The following MCPH1 variants were observed in gnomAD, a reference collection of about 807,000 sequenced individuals.
The protein encoded by MCPH1 is microcephalin 1, also known as microcephalin.
In MCPH1, 104 loss-of-function variants were observed where a neutral mutation model predicts 84.5. The observed-to-expected ratio is 1.23, with a 90% CI of 1.05 to 1.45. The LOEUF is 1.45. Among genes scored for constraint, MCPH1 ranks in the 40% most tolerant of loss-of-function variants. The pLI is 0.00. For missense variants in MCPH1, 1,498 were observed against 1,005.7 expected, an observed-to-expected ratio of 1.49 and a Z score of -6.62; for synonymous variants, 514 against 366.8, an observed-to-expected ratio of 1.40 and a Z score of -4.58.
chr8:6,506,447 T>A (rs774416900), intron 12 of MCPH1, among the ~76,000 whole-genome samples: 1 of 152,288 alleles, frequency 6.6e-6, no homozygotes, highest in Non-Finnish European at 1.5e-5. Flanking sequence ...ATATATTGTT[T>A]CCTTGGTTAT....
At chr8:6,584,720 A>G (rs1056814443) in intron 12 of MCPH1, among the ~76,000 whole-genome samples, 6 of 152,242 alleles carry the variant, frequency 3.9e-5, no homozygotes, top group African/African-American at 9.6e-5. Flanking sequence ...GTGACTCTAC[A>G]ATAAAATGGG....
At chr8:6,515,863 TAA>T (rs1816166872) in intron 12 of MCPH1, among the ~76,000 whole-genome samples, 1 of 152,202 alleles carries the variant, frequency 6.6e-6, no homozygotes, top group African/African-American at 2.4e-5. Context: ...GTTAGAATCC[TAA>T]AGAGGAGAGC....
intron 12 of MCPH1, among the ~76,000 whole-genome samples, chr8:6,548,596 A>G (rs2129574681): frequency 6.6e-6 from 1 of 152,340 alleles, no homozygotes; most frequent in Admixed American, 6.5e-5. Flanking sequence ...AGGTACAGAA[A>G]GTACACCTGA....
At chr8:6,474,063 T>C (rs1421132654) in intron 9 of MCPH1, 1 of 798,564 alleles carries the variant, frequency 1.3e-6, no homozygotes, top group Non-Finnish European at 2.3e-6. Flanking sequence ...TACAATATGT[T>C]GGCATCTATT....
At chr8:6,513,662 C>T (rs377411896) in intron 12 of MCPH1, 53 of 1,597,430 alleles carry the variant, frequency 3.3e-5, no homozygotes, top group Non-Finnish European at 4.4e-5. Flanking sequence ...CTTTCAATTA[C>T]CATGAACTCA....
chr8:6,532,533 G>A (rs1363953081), intron 12 of MCPH1: 2 of 1,438,568 alleles, frequency 1.4e-6, no homozygotes, highest in African/African-American at 1.5e-5. Context: ...CAAATGACCG[G>A]AAACCTGATT....
chr8:6,444,276 A>T, intron 7 of MCPH1, 117 bp from the exon 8 acceptor site: 1 of 1,170,774 alleles, frequency 8.5e-7, no homozygotes, highest in South Asian at 1.4e-5. Flanking sequence ...AAGTGTGGTT[A>T]ATAGTCTTCT....
intron 12 of MCPH1, among the ~76,000 whole-genome samples, chr8:6,526,469 A>G (rs961589045): frequency 6.6e-6 from 1 of 152,000 alleles, no homozygotes; most frequent in Non-Finnish European, 1.5e-5. Flanking sequence ...TGAAATTAGC[A>G]GGATTGTTAT....
At chr8:6,505,245 T>C in intron 12 of MCPH1, among the ~76,000 whole-genome samples, 1 of 94,580 alleles carries the variant, frequency 1.1e-5, no homozygotes, top group African/African-American at 4.0e-5. Flanking sequence ...ATAGAATATA[T>C]ATTCTTTATA....
At chr8:6,447,216 G>A (rs1390382888) in intron 8 of MCPH1, 1 of 985,308 alleles carries the variant, frequency 1.0e-6, no homozygotes, top group African/African-American at 1.7e-5. Context: ...TCCACTGTCA[G>A]CCCCCTGGGA....
At chr8:6,510,383 C>T (rs1260746811) in intron 12 of MCPH1, among the ~76,000 whole-genome samples, 5 of 152,158 alleles carry the variant, frequency 3.3e-5, no homozygotes, top group African/African-American at 1.2e-4. Context: ...GTACTTGAAG[C>T]ACCAAGATGA....
intron 12 of MCPH1, among the ~76,000 whole-genome samples, chr8:6,546,859 A>T (rs145366990): frequency 6.6e-6 from 1 of 152,330 alleles, no homozygotes; most frequent in African/African-American, 2.4e-5. Context: ...AGTCAAAAAG[A>T]ACTAATAAAT....
chr8:6,601,371 C>G (rs1353924499), intron 12 of MCPH1, among the ~76,000 whole-genome samples: 2 of 152,118 alleles, frequency 1.3e-5, no homozygotes, highest in Non-Finnish European at 2.9e-5. Context: ...CTGCCCTCCT[C>G]CTCTTCCGTC....
chr8:6,631,544 C>G (rs1385489648), intron 13 of MCPH1, among the ~76,000 whole-genome samples: 1 of 151,576 alleles, frequency 6.6e-6, no homozygotes, highest in African/African-American at 2.4e-5. Flanking sequence ...ATATAAATGT[C>G]CAATAGGCAA....
chr8:6,586,307 C>A (rs902343100), intron 12 of MCPH1, among the ~76,000 whole-genome samples: 1 of 152,124 alleles, frequency 6.6e-6, no homozygotes, highest in Non-Finnish European at 1.5e-5. Flanking sequence ...CAGATGGGAC[C>A]AACTAAGTTT....
At chr8:6,440,312 G>T (rs1803313802) in intron 6 of MCPH1, among the ~76,000 whole-genome samples, 2 of 151,960 alleles carry the variant, frequency 1.3e-5, no homozygotes, top group South Asian at 4.2e-4. Flanking sequence ...ACTTTTTACT[G>T]TTATAACCCC....
chr8:6,520,467 C>A (rs1039748260), intron 12 of MCPH1, among the ~76,000 whole-genome samples: 1 of 152,162 alleles, frequency 6.6e-6, no homozygotes, highest in Non-Finnish European at 1.5e-5. Flanking sequence ...CACATCTCAG[C>A]TTACCGCATC....
intron 3 of MCPH1, among the ~76,000 whole-genome samples, chr8:6,419,487 G>A (rs1799846906): frequency 6.6e-6 from 1 of 151,740 alleles, no homozygotes; most frequent in African/African-American, 2.4e-5. Context: ...CTGCCTCCCA[G>A]GTTCATGCCA....
intron 12 of MCPH1, among the ~76,000 whole-genome samples, chr8:6,575,268 G>C (rs73509235): frequency 6.6e-6 from 1 of 152,140 alleles, no homozygotes; most frequent in Non-Finnish European, 1.5e-5. Context: ...TATGAAACAG[G>C]TGAAGAAGAA....
Sources: gnomAD v4.1 joint callset for allele counts (sites outside exome capture counted in the v4.1 genomes callset) on GRCh38, gnomAD v4.1.1 for gene constraint, MANE v1.5 for transcripts, NCBI Gene and HGNC (gene_info 2026-07-23, HGNC 2026-07-21) for gene names.